Variants in SETX observed in about 807,000 individuals in gnomAD.
SETX encodes the protein senataxin, also known as helicase senataxin.
SETX carries 90 observed loss-of-function variants against 227.2 expected under a neutral mutation model. The observed-to-expected ratio is 0.40, with a 90% CI of 0.33 to 0.47. SETX has a LOEUF of 0.47. Ranked by LOEUF, SETX falls within the 20% of genes least tolerant of loss-of-function variation. SETX has a pLI of 0.91. For missense variants in SETX, 3,052 were observed against 3,181.5 expected (o/e 0.96, Z 0.98); for synonymous variants, 1,210 against 1,113.2 (o/e 1.09, Z -1.73).
In SETX at chr9:132,325,305, G is replaced by A. The variant is rs146215231; in HGVS notation, c.5274+1019C>T. 3.4e-4 allele frequency among the ~76,000 whole-genome samples: 51 copies of A among 152,078 alleles called. 2 individuals are homozygous for A. In the East Asian group the frequency reaches 9.7e-3, roughly 29 times the overall value. On this transcript the variant is annotated intron_variant, in intron 10 of 25. Transcript: ENST00000224140. ...CGGGAGGCAGAGCTTGCAGTGAGCC[G>A]AGATTGCACCACTGCACTCCAGCCT...
chr9:132,315,059 C>T (rs1304197488), intron 10 of SETX, among the ~76,000 whole-genome samples: 13 of 151,276 alleles, frequency 8.6e-5, no homozygotes, highest in African/African-American at 7.3e-5. Flanking sequence ...ATTACAGGCA[C>T]GTGCCACCAC....
At chr9:132,285,166 C>G (rs1178712254) in intron 18 of SETX, among the ~76,000 whole-genome samples, 1 of 152,020 alleles carries the variant, frequency 6.6e-6, no homozygotes, top group East Asian at 1.9e-4. Context: ...CGTGAGCCAC[C>G]GCGCCTGGCC....
chr9:132,308,452 A>C (rs1845458998), intron 11 of SETX, among the ~76,000 whole-genome samples: 1 of 152,240 alleles, frequency 6.6e-6, no homozygotes, highest in Non-Finnish European at 1.5e-5. Flanking sequence ...GAAGAAAATG[A>C]GAGAATTCTA....
At chr9:132,324,429 C>A (rs524007) in intron 10 of SETX, among the ~76,000 whole-genome samples, 1 of 151,980 alleles carries the variant, frequency 6.6e-6, no homozygotes, top group Non-Finnish European at 1.5e-5. Context: ...TTGTAGTAGA[C>A]TTGTCCCTTT....
rs552084478 is a variant in SETX, at chr9:132,326,575, G to A, written c.5023C>T (p.Pro1675Ser). The A allele has an allele frequency of 3.1e-6, 5 of 1,614,212 alleles. No homozygotes were observed. The East Asian group carries it at 6.7e-5, about 22-fold the overall frequency. Residue 1675 changes from proline (P) to serine (S), a missense_variant, in exon 10 of 26, where the codon CCA (proline) becomes TCA (serine). Pro to Ser is a moderately conservative substitution (Grantham distance 74). This residue lies in a region of SETX where 1,483 missense variants were observed against 1,312.0 expected (regional missense o/e 1.13). Coordinates refer to ENST00000224140, the MANE Select transcript of SETX (RefSeq NM_015046.7). ...GGAAAATATTTGCTTTCACCAAATG[G>A]AACTTTGCAACCTTGCCTGTTGGAA... The part of the protein sequence containing the change: ...NNSNRQGCKV[P>S]FGESKYFPSS...
chr9:132,277,868 T>A (rs1414406636), intron 21 of SETX, among the ~76,000 whole-genome samples: 1 of 151,214 alleles, frequency 6.6e-6, no homozygotes, highest in Non-Finnish European at 1.5e-5. Flanking sequence ...CTGGGTAGTA[T>A]AAATATAGGT....
At chr9:132,280,379 G>T (rs964525203) in intron 20 of SETX, among the ~76,000 whole-genome samples, 16 of 151,966 alleles carry the variant, frequency 1.1e-4, no homozygotes, top group Non-Finnish European at 1.9e-4. Context: ...TATATGCCAA[G>T]GCCCTTCAAT....
chr9:132,309,591 A>C (rs1301935541), intron 11 of SETX, among the ~76,000 whole-genome samples: 1 of 152,196 alleles, frequency 6.6e-6, no homozygotes, highest in East Asian at 1.9e-4. Context: ...TAATCCCAGC[A>C]CTTCAGAAGG....
At chr9:132,291,510 G>GAGAT (rs1413217678) in intron 15 of SETX, among the ~76,000 whole-genome samples, 5 of 152,128 alleles carry the variant, frequency 3.3e-5, no homozygotes, top group Non-Finnish European at 7.4e-5. Context: ...AAAGGTAGAT[G>GAGAT]AGATTACCTG....
chr9:132,292,291 T>G (rs1844368640), intron 15 of SETX, among the ~76,000 whole-genome samples: 1 of 150,744 alleles, frequency 6.6e-6, no homozygotes, highest in South Asian at 2.1e-4. Context: ...ATTAACCCAG[T>G]GTGATGGCAA....
At position 132,346,361 on chromosome 9, in the gene SETX, C is replaced by T; in HGVS notation, c.288G>A (p.Met96Ile). The change falls in exon 4 of 26, where the codon ATG becomes ATA. Residue 96 changes from methionine (M) to isoleucine (I), a missense_variant. Physicochemically the swap from Met to Ile is conservative, Grantham distance 10. Transcript: ENST00000224140. ...CTTGCCCAGTGATGTCAAACAGTGG[C>T]ATCTCTCCATTATTGTCTACTATAT... Reference protein sequence around the residue: ...ELYIVDNNGEMPLFDITGQDF... With the variant: ...ELYIVDNNGEIPLFDITGQDF... The T allele has an allele frequency of 1.9e-6, 3 of 1,613,714 alleles. No homozygotes were observed. The highest frequency in any genetic ancestry group is 2.5e-6 in the Non-Finnish European group (3 of 1,179,698).
chr9:132,297,564 T>C (rs1462117564), intron 13 of SETX, among the ~76,000 whole-genome samples: 1 of 152,240 alleles, frequency 6.6e-6, no homozygotes. Flanking sequence ...TGGCCTCTGT[T>C]ACTCATTAAA....
intron 5 of SETX, 74 bp from the exon 6 acceptor site, chr9:132,336,589 A>G (rs1023177349): frequency 2.9e-5 from 31 of 1,074,482 alleles, no homozygotes; most frequent in Non-Finnish European, 4.0e-5. Flanking sequence ...AGAAAAGAAA[A>G]CAGGATTCTC....
chr9:132,268,213 ACT>A (rs1380787896), intron 25 of SETX, among the ~76,000 whole-genome samples: 2 of 152,246 alleles, frequency 1.3e-5, no homozygotes, highest in African/African-American at 2.4e-5. Context: ...CAAGGAAAGT[ACT>A]GAGAGGTTGC....
chr9:132,267,356 A>G (rs1842696385), intron 25 of SETX, among the ~76,000 whole-genome samples: 1 of 152,196 alleles, frequency 6.6e-6, no homozygotes, highest in Non-Finnish European at 1.5e-5. Context: ...CACATATGTG[A>G]AGCAGATGGC....
At chr9:132,319,576 C>T (rs1320147633) in intron 10 of SETX, among the ~76,000 whole-genome samples, 1 of 152,202 alleles carries the variant, frequency 6.6e-6, no homozygotes, top group East Asian at 1.9e-4. Context: ...CAGTTCCCAT[C>T]TCATGGCATT....
chr9:132,301,692 TCTTA>T (rs1247642788), intron 11 of SETX, among the ~76,000 whole-genome samples: 3 of 152,214 alleles, frequency 2.0e-5, no homozygotes, highest in Non-Finnish European at 2.9e-5. Context: ...CTAAGTACAC[TCTTA>T]CTTCTCATGA....
rs1294302713 is a variant in SETX, at chr9:132,264,698, C to T, written c.7575G>A (p.Lys2525=). The T allele has an allele frequency of 6.2e-7, 1 of 1,614,170 alleles. No individual in the cohort carries two copies. The highest frequency in any genetic ancestry group is 1.1e-5 in the South Asian group (1 of 91,080). Residue 2525 remains lysine, a synonymous_variant, in exon 26 of 26, where the codon AAG becomes AAA. Coordinates refer to ENST00000224140, the MANE Select transcript of SETX (RefSeq NM_015046.7). ...CATGAACAGGAGGTCTTTCAGGGTC[C>T]TTTGAAGTAACAGTAAGAGTAATTT... ...SKEITLTVTS[K]DPERPPVHDQ... is the part of the protein sequence containing the mutation.
intron 25 of SETX, among the ~76,000 whole-genome samples, chr9:132,265,716 A>T (rs1242572013): frequency 6.6e-6 from 1 of 152,206 alleles, no homozygotes; most frequent in African/African-American, 2.4e-5. Flanking sequence ...TGCAGACACA[A>T]AACATTTCCG....
Sources: gnomAD v4.1 joint callset for allele counts (sites outside exome capture counted in the v4.1 genomes callset) on GRCh38, gnomAD v4.1.1 for gene constraint, gnomAD v4.1.1 regional missense constraint, MANE v1.5 for transcripts, NCBI Gene and HGNC (gene_info 2026-07-23, HGNC 2026-07-21) for gene names.